Variants in PKIB observed in about 807,000 individuals in gnomAD.
PKIB encodes the protein PKI-beta.
PKIB carries 2 observed loss-of-function variants against 4.5 expected under a neutral mutation model. The ratio of observed to expected loss-of-function variants is 0.44; its 90% CI spans 0.18 to 1.39. The LOEUF is 1.39. Ranked by LOEUF, PKIB falls within the 40% of genes most tolerant of loss-of-function variation. The pLI, the probability that PKIB is intolerant of heterozygous loss-of-function variation, is 0.27. For synonymous variants in PKIB, 38 were observed against 36.0 expected, an observed-to-expected ratio of 1.06 and a Z score of -0.20; for missense variants, 94 against 92.6, an observed-to-expected ratio of 1.02 and a Z score of -0.06.
intron 3 of PKIB, among the ~76,000 whole-genome samples, chr6:122,604,016 AT>A (rs1774454150): frequency 6.6e-6 from 1 of 151,890 alleles, no homozygotes; most frequent in Non-Finnish European, 1.5e-5. Flanking sequence ...TTACTTACAT[AT>A]TTATACAAAA....
chr6:122,575,815 G>A (rs917067784), intron 2 of PKIB, among the ~76,000 whole-genome samples: 10 of 152,252 alleles, frequency 6.6e-5, no homozygotes, highest in Admixed American at 3.3e-4. Flanking sequence ...AATGTGTACT[G>A]CTTGGGTGAC....
chr6:122,619,896 G>C (rs1775154367), intron 1 of PKIB, among the ~76,000 whole-genome samples: 1 of 152,018 alleles, frequency 6.6e-6, no homozygotes. Flanking sequence ...TGGAACAACT[G>C]TTCAATAATA....
At chr6:122,657,560 A>G (rs1322472969) in intron 2 of PKIB, among the ~76,000 whole-genome samples, 1 of 152,202 alleles carries the variant, frequency 6.6e-6, no homozygotes, top group East Asian at 1.9e-4. Context: ...ACTGAGGGGA[A>G]TTTATGAGTG....
In PKIB at chr6:122,596,095, A is replaced by G. The variant is rs548907709; in HGVS notation, c.-161+10088A>G. Among the ~76,000 whole-genome samples, 5 of 152,268 alleles carry G rather than the reference A, an allele frequency of 3.3e-5. No homozygotes were observed. In the East Asian group the frequency reaches 7.7e-4, roughly 24 times the overall value. On this transcript the variant is annotated intron_variant, in intron 3 of 6. Coordinates refer to the PKIB transcript ENST00000392491. ...CTCCTGAATCAGCATATAAACACAC[A>G]TCTGGCCATTTCTCCTTCCATGCAA...
At chr6:122,540,235 T>C (rs1167357117) in intron 2 of PKIB, among the ~76,000 whole-genome samples, 1 of 152,064 alleles carries the variant, frequency 6.6e-6, no homozygotes, top group East Asian at 1.9e-4. Context: ...TTTGAATGTG[T>C]TTGCTCTTGC....
intron 2 of PKIB, among the ~76,000 whole-genome samples, chr6:122,580,218 A>T (rs1008564765): frequency 6.6e-6 from 1 of 151,920 alleles, no homozygotes; most frequent in Non-Finnish European, 1.5e-5. Flanking sequence ...ATTCTTCTTT[A>T]GGCAGAAATG....
intron 1 of PKIB, among the ~76,000 whole-genome samples, chr6:122,473,904 G>A (rs1455769421): frequency 2.0e-5 from 3 of 152,260 alleles, no homozygotes; most frequent in Admixed American, 6.5e-5. Context: ...TGGCTGAGGC[G>A]GGCAGATCAC....
At chr6:122,558,641 T>C (rs1772919129) in intron 2 of PKIB, among the ~76,000 whole-genome samples, 2 of 152,224 alleles carry the variant, frequency 1.3e-5, no homozygotes. Context: ...AACATTTCTT[T>C]TAGTACATAC....
chr6:122,485,004 A>G (rs556954352), intron 2 of PKIB, among the ~76,000 whole-genome samples: 2 of 152,254 alleles, frequency 1.3e-5, no homozygotes, highest in African/African-American at 4.8e-5. Flanking sequence ...CTGAGCTGTA[A>G]TCAATCTAGT....
intron 2 of PKIB, among the ~76,000 whole-genome samples, chr6:122,562,004 G>GTTTTTTTTTTTTTTTTTGTTTTTTTTTT: frequency 1.3e-5 from 1 of 79,480 alleles, no homozygotes; most frequent in South Asian, 5.3e-4. Context: ...GTTTTTTTTT[G>GTTTTTTTTTTTTTTTTTGTTTTTTTTTT]TTTTTTTTTT....
intron 2 of PKIB, among the ~76,000 whole-genome samples, chr6:122,502,590 G>A (rs1316431819): frequency 3.9e-5 from 6 of 152,066 alleles, no homozygotes; most frequent in Admixed American, 3.3e-4. Flanking sequence ...ACTATCACAA[G>A]AGCAGAAAGG....
intron 2 of PKIB, among the ~76,000 whole-genome samples, chr6:122,561,990 T>TTTTG (rs1773029525): frequency 8.1e-6 from 1 of 123,008 alleles, no homozygotes; most frequent in African/African-American, 3.5e-5. Context: ...TTTTGTTTGT[T>TTTTG]TTTGTTTTTT....
intron 2 of PKIB, among the ~76,000 whole-genome samples, chr6:122,574,214 T>C (rs183989666): frequency 3.3e-5 from 5 of 152,238 alleles, no homozygotes; most frequent in African/African-American, 1.2e-4. Context: ...AGGAATATCC[T>C]TAACCAAGTA....
chr6:122,647,829 A>G (rs1776387974), intron 2 of PKIB, among the ~76,000 whole-genome samples: 1 of 152,228 alleles, frequency 6.6e-6, no homozygotes, highest in African/African-American at 2.4e-5. Context: ...TACCCATTTC[A>G]TAATTCTCTG....
At chr6:122,703,797 T>C (rs1183245002) in intron 3 of PKIB, among the ~76,000 whole-genome samples, 4 of 150,134 alleles carry the variant, frequency 2.7e-5, no homozygotes, top group Non-Finnish European at 5.9e-5. Context: ...TATACATATA[T>C]GTATATATGT....
intron 2 of PKIB, among the ~76,000 whole-genome samples, chr6:122,635,631 T>C (rs975562767): frequency 4.0e-5 from 6 of 149,768 alleles, no homozygotes; most frequent in African/African-American, 1.5e-4. Flanking sequence ...AATGTAGACA[T>C]CAATAAAATA....
intron 2 of PKIB, among the ~76,000 whole-genome samples, chr6:122,662,340 A>C: frequency 7.9e-5 from 1 of 12,676 alleles, no homozygotes; most frequent in South Asian, 3.0e-3. Context: ...TTTTTTTTGG[A>C]GATTCATTCT....
At chr6:122,485,547 CGT>C (rs1385140820) in intron 2 of PKIB, among the ~76,000 whole-genome samples, 1 of 152,096 alleles carries the variant, frequency 6.6e-6, no homozygotes, top group Non-Finnish European at 1.5e-5. Flanking sequence ...TAGCATCAGT[CGT>C]GTGTTACTGG....
intron 1 of PKIB, among the ~76,000 whole-genome samples, chr6:122,626,814 C>CA (rs1235349573): frequency 6.6e-6 from 1 of 152,116 alleles, no homozygotes; most frequent in African/African-American, 2.4e-5. Flanking sequence ...CGAATGAACA[C>CA]ACAGATCCTT....
Sources: allele counts gnomAD v4.1 joint callset (sites outside exome capture counted in the v4.1 genomes callset), GRCh38; gene constraint gnomAD v4.1.1; transcripts MANE v1.5; gene names NCBI Gene and HGNC (gene_info 2026-07-23, HGNC 2026-07-21).